Variants in GLI2 observed in about 807,000 individuals in gnomAD.
GLI2 encodes the protein transcription activator GLI2.
A neutral mutation model predicts 78.9 loss-of-function variants in GLI2; 22 were observed. The observed-to-expected ratio is 0.28, with a 90% CI of 0.20 to 0.40. The LOEUF is 0.40. Ranked by LOEUF, GLI2 falls within the 10% of genes least tolerant of loss-of-function variation. The pLI, the probability that GLI2 is intolerant of heterozygous loss-of-function variation, is 1.00. For synonymous variants in GLI2, 974 were observed against 963.7 expected (o/e 1.01, Z -0.20); for missense variants, 2,097 against 2,213.2 (o/e 0.95, Z 1.05).
At chr2:120,811,472 C>T (rs909118272) in intron 2 of GLI2, among the ~76,000 whole-genome samples, 9 of 152,136 alleles carry the variant, frequency 5.9e-5, no homozygotes, top group Non-Finnish European at 1.2e-4. Flanking sequence ...GGGGTGGCAT[C>T]GCTAAGGAGG....
At chr2:120,874,805 G>A (rs1352301607) in intron 2 of GLI2, among the ~76,000 whole-genome samples, 1 of 152,188 alleles carries the variant, frequency 6.6e-6, no homozygotes, top group Non-Finnish European at 1.5e-5. Context: ...AGTAGGAAAT[G>A]CTAGGAGAAG....
intron 2 of GLI2, among the ~76,000 whole-genome samples, chr2:120,892,570 A>G (rs1677734334): frequency 6.6e-6 from 1 of 152,098 alleles, no homozygotes; most frequent in Non-Finnish European, 1.5e-5. Flanking sequence ...TGACCACTTT[A>G]CTGGATCCTG....
At chr2:120,772,976 C>G (rs928232475) in intron 1 of GLI2, among the ~76,000 whole-genome samples, 7 of 152,336 alleles carry the variant, frequency 4.6e-5, no homozygotes. Context: ...AAACCCTTCC[C>G]ATGTTATTAT....
chr2:120,828,165 G>A (rs980625248), intron 2 of GLI2, among the ~76,000 whole-genome samples: 6 of 152,202 alleles, frequency 3.9e-5, no homozygotes, highest in African/African-American at 1.2e-4. Flanking sequence ...CTCCACCATC[G>A]ATGACCAGTG....
intron 2 of GLI2, among the ~76,000 whole-genome samples, chr2:120,901,286 C>A (rs555842041): frequency 1.1e-3 from 162 of 152,242 alleles, no homozygotes; most frequent in Middle Eastern, 3.4e-3. Context: ...ATGGCGGGAT[C>A]TAAAGAGGCA....
intron 2 of GLI2, among the ~76,000 whole-genome samples, chr2:120,918,888 G>A (rs75805776): frequency 3.3e-5 from 5 of 152,224 alleles, no homozygotes; most frequent in South Asian, 4.1e-4. Context: ...GCTCAGGTGC[G>A]TTCTGCTCCT....
intron 2 of GLI2, among the ~76,000 whole-genome samples, chr2:120,825,586 A>G (rs115079529): frequency 2.0e-5 from 3 of 146,838 alleles, no homozygotes; most frequent in African/African-American, 7.6e-5. Context: ...GTGGGTGTGC[A>G]CCTGGCTGTG....
At chr2:120,846,885 A>G (rs1407224166) in intron 2 of GLI2, among the ~76,000 whole-genome samples, 1 of 152,244 alleles carries the variant, frequency 6.6e-6, no homozygotes, top group Non-Finnish European at 1.5e-5. Flanking sequence ...TCTTCAGCCC[A>G]GGCCTTGCAC....
intron 2 of GLI2, among the ~76,000 whole-genome samples, chr2:120,918,405 A>C (rs1679201823): frequency 6.7e-6 from 1 of 149,928 alleles, no homozygotes; most frequent in African/African-American, 2.5e-5. Context: ...ATGACTTATT[A>C]GGGGTTTCTA....
intron 3 of GLI2, among the ~76,000 whole-genome samples, chr2:120,946,923 G>T (rs978203400): frequency 3.3e-5 from 5 of 152,210 alleles, no homozygotes; most frequent in Non-Finnish European, 7.3e-5. Context: ...CATTCCTCTG[G>T]CTGTGTTTAG....
intron 5 of GLI2, among the ~76,000 whole-genome samples, chr2:120,966,725 G>T (rs968072146): frequency 2.0e-5 from 3 of 152,240 alleles, no homozygotes; most frequent in Admixed American, 6.5e-5. Flanking sequence ...AGGGCTTGCG[G>T]CTTGTTCAGT....
chr2:120,887,495 C>T (rs1053891608), intron 2 of GLI2, among the ~76,000 whole-genome samples: 3 of 152,220 alleles, frequency 2.0e-5, no homozygotes, highest in Non-Finnish European at 2.9e-5. Context: ...TGGCGAAGCC[C>T]GGGAAGGCCA....
intron 2 of GLI2, among the ~76,000 whole-genome samples, chr2:120,881,635 GTGCAAGGAGGGCAGTT>G (rs1677136091): frequency 1.1e-5 from 1 of 91,568 alleles, no homozygotes. Flanking sequence ...GGGGAGGACA[GTGCAAGGAGGGCAGTT>G]TGGGGGAGGA....
intron 2 of GLI2, among the ~76,000 whole-genome samples, chr2:120,824,263 G>C (rs1685927541): frequency 6.6e-6 from 1 of 152,222 alleles, no homozygotes; most frequent in African/African-American, 2.4e-5. Context: ...TAGGGGGATA[G>C]AGAGGGAGGA....
intron 5 of GLI2, among the ~76,000 whole-genome samples, chr2:120,955,742 A>T (rs73949996): frequency 0.026 from 3,961 of 152,242 alleles, 179 homozygotes; most frequent in African/African-American, 0.091. Flanking sequence ...TTATAAATGG[A>T]CCAGGGAAAC....
At chr2:120,971,631 T>A (rs1682176540) in intron 7 of GLI2, among the ~76,000 whole-genome samples, 1 of 152,218 alleles carries the variant, frequency 6.6e-6, no homozygotes, top group Non-Finnish European at 1.5e-5. Flanking sequence ...GCTGAGAAGT[T>A]GAGCCTGGTC....
chr2:120,962,851 C>T (rs1244465065), intron 5 of GLI2, among the ~76,000 whole-genome samples: 1 of 152,256 alleles, frequency 6.6e-6, no homozygotes, highest in African/African-American at 2.4e-5. Context: ...GCGGCAGATT[C>T]TTTTTTAAAA....
intron 2 of GLI2, among the ~76,000 whole-genome samples, chr2:120,878,992 G>T (rs1361597385): frequency 6.6e-6 from 1 of 152,000 alleles, no homozygotes; most frequent in Non-Finnish European, 1.5e-5. Flanking sequence ...GCCCAATTCT[G>T]TTATCTCAGC....
chr2:120,915,299 T>G (rs1421762136), intron 2 of GLI2, among the ~76,000 whole-genome samples: 1 of 152,226 alleles, frequency 6.6e-6, no homozygotes, highest in African/African-American at 2.4e-5. Context: ...ATTGCGTGAG[T>G]GGCCTGGGCC....
Sources: allele counts gnomAD v4.1 joint callset (sites outside exome capture counted in the v4.1 genomes callset), GRCh38; gene constraint gnomAD v4.1.1; transcripts MANE v1.5; gene names NCBI Gene and HGNC (gene_info 2026-07-23, HGNC 2026-07-21).